The following PTPRG variants were observed in gnomAD, a reference collection of about 807,000 sequenced individuals.
PTPRG encodes the protein protein tyrosine phosphatase receptor type G.
PTPRG carries 102 observed loss-of-function variants against 165.3 expected under a neutral mutation model. The ratio of observed to expected loss-of-function variants is 0.62; its 90% CI spans 0.53 to 0.73. The LOEUF (loss-of-function observed/expected upper bound fraction) is 0.73. Ranked by LOEUF, PTPRG falls within the 30% of genes least tolerant of loss-of-function variation. The pLI is 0.00. For missense variants in PTPRG, 1,866 were observed against 1,861.4 expected (o/e 1.00, Z -0.05); for synonymous variants, 675 against 669.5 (o/e 1.01, Z -0.13).
At chr3:61,901,069 G>T (rs1041310225) in intron 2 of PTPRG, among the ~76,000 whole-genome samples, 19 of 152,226 alleles carry the variant, frequency 1.2e-4, no homozygotes, top group Admixed American at 9.8e-4. Context: ...GACAAAGGCA[G>T]TGGTGCCCTT....
rs1491265196 is a variant in PTPRG, at chr3:61,643,275, GAA to G, written c.85+80905_85+80906del. Among the ~76,000 whole-genome samples the G allele has an allele frequency of 8.2e-4, 122 of 149,060 alleles. 1 individual carries two copies. The highest frequency in any genetic ancestry group is 2.1e-3 in the Admixed American group (31 of 14,858). On this transcript the variant is annotated intron_variant, in intron 1 of 29. Coordinates refer to ENST00000474889, the MANE Select transcript of PTPRG (RefSeq NM_002841.4). ...CCCCATCTGGGGAGAGAGAGAGAGAGAAAGAGAGAGAGAGAGAGACAGAGACA... is the reference window on the plus strand; with the variant it reads ...CCCCATCTGGGGAGAGAGAGAGAGAGAGAGAGAGAGAGAGAGACAGAGACA...
chr3:61,821,934 A>G (rs1204131963), intron 2 of PTPRG, among the ~76,000 whole-genome samples: 2 of 152,354 alleles, frequency 1.3e-5, no homozygotes, highest in South Asian at 2.1e-4. Context: ...GGCTCTGCCA[A>G]GTGCGTGCAG....
chr3:61,965,201 G>A (rs964376945), intron 2 of PTPRG, among the ~76,000 whole-genome samples: 4 of 147,906 alleles, frequency 2.7e-5, no homozygotes, highest in African/African-American at 7.6e-5. Flanking sequence ...CCGAGATGGC[G>A]CCATTGCACT....
At chr3:61,759,858 C>T (rs948121161) in intron 2 of PTPRG, among the ~76,000 whole-genome samples, 1 of 151,610 alleles carries the variant, frequency 6.6e-6, no homozygotes, top group Non-Finnish European at 1.5e-5. Flanking sequence ...TTTAACATCT[C>T]TCTGTCACTT....
chr3:61,600,180 A>ATG (rs1476367241), intron 1 of PTPRG, among the ~76,000 whole-genome samples: 1 of 96,670 alleles, frequency 1.0e-5, no homozygotes, highest in African/African-American at 3.7e-5. Flanking sequence ...AAAAATATAT[A>ATG]TATATATATA....
chr3:61,855,775 A>G (rs2107381724), intron 2 of PTPRG, among the ~76,000 whole-genome samples: 1 of 151,234 alleles, frequency 6.6e-6, no homozygotes, highest in South Asian at 2.1e-4. Context: ...CACATTAGGA[A>G]GCTTGCTGAG....
intron 6 of PTPRG, among the ~76,000 whole-genome samples, chr3:62,143,321 A>T (rs1703998228): frequency 6.6e-6 from 1 of 152,154 alleles, no homozygotes; most frequent in Admixed American, 6.5e-5. Context: ...AGAACAAGCG[A>T]CTTTTGGGAA....
At chr3:61,967,763 A>G (rs1296963011) in intron 2 of PTPRG, among the ~76,000 whole-genome samples, 1 of 152,168 alleles carries the variant, frequency 6.6e-6, no homozygotes. Context: ...TATCTTTACT[A>G]TTGTTGCAGT....
In PTPRG at chr3:61,661,353, A is replaced by T. The variant is rs549410144; in HGVS notation, c.86-87525A>T. 5.9e-5 allele frequency among the ~76,000 whole-genome samples: 9 copies of T among 151,526 alleles called. No homozygotes were observed. The South Asian group carries it at 1.9e-3, about 32-fold the overall frequency. On this transcript the variant is annotated intron_variant, in intron 1 of 29. Transcript: ENST00000474889. ...TTTTTAAATTTTTAAGAGAGAAGTG[A>T]TTTCTGAGTGAAGGAATAGCAAACC...
chr3:61,997,206 G>C (rs2041059703), intron 3 of PTPRG, among the ~76,000 whole-genome samples: 2 of 152,150 alleles, frequency 1.3e-5, no homozygotes, highest in African/African-American at 4.8e-5. Flanking sequence ...CTGGATTACT[G>C]CTATCAGCTC....
At chr3:61,948,111 G>A (rs912704619) in intron 2 of PTPRG, among the ~76,000 whole-genome samples, 3 of 152,110 alleles carry the variant, frequency 2.0e-5, no homozygotes, top group African/African-American at 7.2e-5. Flanking sequence ...GATCACCTGA[G>A]GTCGGGAGTT....
At chr3:61,723,947 T>C (rs1447792208) in intron 1 of PTPRG, among the ~76,000 whole-genome samples, 1 of 152,196 alleles carries the variant, frequency 6.6e-6, no homozygotes, top group Admixed American at 6.5e-5. Context: ...TTTGAGAATA[T>C]TGGGCTGGGC....
chr3:61,715,289 T>A (rs1390106718), intron 1 of PTPRG, among the ~76,000 whole-genome samples: 1 of 151,930 alleles, frequency 6.6e-6, no homozygotes, highest in Admixed American at 6.6e-5. Flanking sequence ...TGATCATGGC[T>A]CACTGTAGCC....
chr3:62,050,046 C>A (rs1414896281), intron 4 of PTPRG, among the ~76,000 whole-genome samples: 3 of 151,978 alleles, frequency 2.0e-5, no homozygotes, highest in African/African-American at 4.8e-5. Context: ...TTAGCAGTAT[C>A]AGAAAAAGGA....
intron 2 of PTPRG, among the ~76,000 whole-genome samples, chr3:61,757,086 A>G (rs2033657538): frequency 6.6e-6 from 1 of 152,216 alleles, no homozygotes; most frequent in Non-Finnish European, 1.5e-5. Flanking sequence ...CATGCTTACA[A>G]TGAAATGCTT....
At chr3:61,616,987 T>C (rs1439455176) in intron 1 of PTPRG, among the ~76,000 whole-genome samples, 2 of 152,220 alleles carry the variant, frequency 1.3e-5, no homozygotes, top group Non-Finnish European at 2.9e-5. Context: ...ACAGAGAAGA[T>C]AGCAAAAGAG....
intron 1 of PTPRG, among the ~76,000 whole-genome samples, chr3:61,584,195 G>C (rs1700377786): frequency 9.2e-6 from 1 of 108,310 alleles, no homozygotes; most frequent in African/African-American, 4.3e-5. Context: ...GAATCCTAAG[G>C]ATCTGTAAGG....
chr3:62,245,927 T>A lies in PTPRG; in HGVS notation c.2467+2029T>A, dbSNP rs1289854636. On this transcript the variant is annotated intron_variant, in intron 15 of 29. Coordinates refer to ENST00000474889, the MANE Select transcript of PTPRG (RefSeq NM_002841.4). The surrounding 1 kb of genome is among the most constrained non-coding windows in gnomAD (Gnocchi z 4.2). ...TTTCAATTCACTAGGATCCTCTGAA[T>A]ATGCCTTGCAACACCTTTGAGTAGG... 6.6e-6 allele frequency among the ~76,000 whole-genome samples: 1 copy of A among 152,158 alleles called. No homozygotes were observed. The highest frequency in any genetic ancestry group is 6.5e-5 in the Admixed American group (1 of 15,272).
chr3:61,727,931 G>C (rs924800055), intron 1 of PTPRG, among the ~76,000 whole-genome samples: 1 of 152,214 alleles, frequency 6.6e-6, no homozygotes, highest in Non-Finnish European at 1.5e-5. Flanking sequence ...TGGTATGGAA[G>C]GCTGGTCTAC....
Sources: allele counts gnomAD v4.1 joint callset (sites outside exome capture counted in the v4.1 genomes callset), GRCh38; gene constraint gnomAD v4.1.1; non-coding constraint Gnocchi (gnomAD v3.1); transcripts MANE v1.5; gene names NCBI Gene and HGNC (gene_info 2026-07-23, HGNC 2026-07-21).